Variants in ZNRF3 observed in about 807,000 individuals in gnomAD.
ZNRF3 encodes zinc and ring finger 3.
In ZNRF3, 23 loss-of-function variants were observed where a neutral mutation model predicts 72.5. That is an observed-to-expected ratio of 0.32 (90% CI 0.23 to 0.45). ZNRF3 has a LOEUF of 0.45. Among genes scored for constraint, ZNRF3 ranks in the 20% least tolerant of loss-of-function variants. The pLI, the probability that ZNRF3 is intolerant of heterozygous loss-of-function variation, is 1.00. For missense variants in ZNRF3, 1,169 were observed against 1,272.1 expected, an observed-to-expected ratio of 0.92 and a Z score of 1.23; for synonymous variants, 610 against 545.3, an observed-to-expected ratio of 1.12 and a Z score of -1.65.
intron 1 of ZNRF3, among the ~76,000 whole-genome samples, chr22:28,947,498 C>G (rs1399833406): frequency 6.6e-6 from 1 of 152,202 alleles, no homozygotes; most frequent in African/African-American, 2.4e-5. Flanking sequence ...TCTAATTTCT[C>G]CATACCCTCT....
At chr22:29,046,292 C>T (rs1319717536) in intron 5 of ZNRF3, among the ~76,000 whole-genome samples, 1 of 152,156 alleles carries the variant, frequency 6.6e-6, no homozygotes, top group African/African-American at 2.4e-5. Context: ...AAGATGATGG[C>T]TTGTGTTTTT....
rs559916891 is a variant in ZNRF3, at chr22:29,000,204, T to G, written c.426+13003T>G. On this transcript the variant is annotated intron_variant, in intron 2 of 8. Transcript: ENST00000544604. ...TAAAAGAGTTTCAACACATTCCATT[T>G]GTTCTAAGCACTGTTGGATTAAATA... is the stretch of plus-strand genomic sequence containing the variant. Among the ~76,000 whole-genome samples the G allele has an allele frequency of 2.6e-5, 4 of 152,370 alleles. No homozygotes were observed. In the South Asian group the frequency reaches 8.3e-4, roughly 32 times the overall value.
intron 1 of ZNRF3, among the ~76,000 whole-genome samples, chr22:28,885,988 G>A (rs1023731659): frequency 6.6e-6 from 1 of 151,620 alleles, no homozygotes; most frequent in Non-Finnish European, 1.5e-5. Flanking sequence ...TATTTAATAA[G>A]TTTACTTGTT....
chr22:28,954,032 A>G (rs574007292), intron 1 of ZNRF3, among the ~76,000 whole-genome samples: 4 of 152,200 alleles, frequency 2.6e-5, no homozygotes, highest in South Asian at 2.1e-4. Context: ...CATGTATATA[A>G]AGCACCTAGG....
chr22:29,015,624 T>A (rs1365463323), intron 2 of ZNRF3, among the ~76,000 whole-genome samples: 1 of 147,862 alleles, frequency 6.8e-6, no homozygotes, highest in Non-Finnish European at 1.5e-5. Context: ...GAGCTGAGAC[T>A]GCACCACTGC....
At chr22:29,040,251 C>T (rs182268208) in intron 2 of ZNRF3, among the ~76,000 whole-genome samples, 7 of 152,052 alleles carry the variant, frequency 4.6e-5, no homozygotes, top group Non-Finnish European at 1.0e-4. Context: ...GCGATCTCGG[C>T]TCATTACAAC....
At chr22:29,010,780 G>A (rs2036334672) in intron 2 of ZNRF3, among the ~76,000 whole-genome samples, 1 of 152,096 alleles carries the variant, frequency 6.6e-6, no homozygotes, top group Non-Finnish European at 1.5e-5. Flanking sequence ...AGCAGTTCTT[G>A]TGCTTCAACC....
chr22:28,937,997 C>G (rs1181779499), intron 1 of ZNRF3, among the ~76,000 whole-genome samples: 1 of 152,100 alleles, frequency 6.6e-6, no homozygotes, highest in Non-Finnish European at 1.5e-5. Context: ...GAACATTTGT[C>G]AGAACAAAGG....
chr22:28,947,695 A>G (rs2035077605), intron 1 of ZNRF3, among the ~76,000 whole-genome samples: 1 of 152,136 alleles, frequency 6.6e-6, no homozygotes, highest in African/African-American at 2.4e-5. Context: ...TCATTTGTCC[A>G]TTTCAATTGG....
intron 2 of ZNRF3, among the ~76,000 whole-genome samples, chr22:29,035,884 A>G (rs1379167441): frequency 6.6e-6 from 1 of 151,866 alleles, no homozygotes; most frequent in Non-Finnish European, 1.5e-5. Flanking sequence ...CCGGCCTTAA[A>G]CGATTTTTAA....
chr22:29,025,802 A>T (rs1006140132), intron 2 of ZNRF3: 1 of 152,280 alleles, frequency 6.6e-6, no homozygotes, highest in African/African-American at 2.4e-5. Context: ...GATTATAGGC[A>T]TGAGCCACCG....
intron 1 of ZNRF3, among the ~76,000 whole-genome samples, chr22:28,966,083 T>C (rs1407038247): frequency 1.3e-5 from 2 of 152,168 alleles, no homozygotes; most frequent in Non-Finnish European, 2.9e-5. Context: ...CTCCATAAAT[T>C]GGTGATTTTC....
intron 1 of ZNRF3, among the ~76,000 whole-genome samples, chr22:28,965,117 AT>A (rs1477903638): frequency 6.6e-6 from 1 of 152,208 alleles, no homozygotes; most frequent in Non-Finnish European, 1.5e-5. Context: ...CTTTAGACCC[AT>A]GCAGACCAGT....
intron 1 of ZNRF3, among the ~76,000 whole-genome samples, chr22:28,937,213 A>T (rs1388924349): frequency 0.22 from 737 of 3,362 alleles, 16 homozygotes; most frequent in Non-Finnish European, 0.34. Flanking sequence ...ATATATATAT[A>T]TATTTTTTTT....
chr22:28,942,332 G>A (rs779112451), intron 1 of ZNRF3, among the ~76,000 whole-genome samples: 5 of 152,128 alleles, frequency 3.3e-5, no homozygotes, highest in East Asian at 1.9e-4. Context: ...ACCAACAGGC[G>A]GACTGTTCTT....
At chr22:28,915,681 G>A (rs930943816) in intron 1 of ZNRF3, among the ~76,000 whole-genome samples, 6 of 152,210 alleles carry the variant, frequency 3.9e-5, no homozygotes, top group African/African-American at 1.2e-4. Flanking sequence ...GACTACCCGT[G>A]ATATTATAGA....
intron 2 of ZNRF3, among the ~76,000 whole-genome samples, chr22:29,020,024 C>T (rs1318070071): frequency 6.6e-6 from 1 of 152,016 alleles, no homozygotes; most frequent in Non-Finnish European, 1.5e-5. Flanking sequence ...CCAATCCCCC[C>T]ATGGATACCA....
intron 1 of ZNRF3, among the ~76,000 whole-genome samples, chr22:28,922,439 C>A (rs533138221): frequency 6.6e-6 from 1 of 151,994 alleles, no homozygotes; most frequent in African/African-American, 2.4e-5. Context: ...CTTTGTTGTT[C>A]TTATAACTTT....
At position 28,917,140 on chromosome 22, in the gene ZNRF3, A is replaced by G. The variant is rs562933584; in HGVS notation, c.300+33074A>G. Among the ~76,000 whole-genome samples the G allele has an allele frequency of 4.5e-4, 69 of 152,270 alleles. No homozygotes were observed. In the South Asian group the frequency reaches 0.014, roughly 31 times the overall value. Reference sequence around the variant, plus strand: ...TGCCTAGAAGCGTCGGCCAGGTGGCAGGAGCTCAGCCCCACCTGAATGCTC... The same window carrying G: ...TGCCTAGAAGCGTCGGCCAGGTGGCGGGAGCTCAGCCCCACCTGAATGCTC... On this transcript the variant is annotated intron_variant, in intron 1 of 8. Transcript: ENST00000544604.
Sources: gnomAD v4.1 joint callset for allele counts (sites outside exome capture counted in the v4.1 genomes callset) on GRCh38, gnomAD v4.1.1 for gene constraint, MANE v1.5 for transcripts, NCBI Gene and HGNC (gene_info 2026-07-23, HGNC 2026-07-21) for gene names.